Variants in SOBP observed in about 807,000 individuals in gnomAD.
The protein encoded by SOBP is sine oculis binding protein homolog.
A neutral mutation model predicts 53.6 loss-of-function variants in SOBP; 4 were observed. The observed-to-expected ratio is 0.07, with a 90% CI of 0.04 to 0.17. SOBP has a LOEUF of 0.17. Ranked by LOEUF, SOBP falls within the 10% of genes least tolerant of loss-of-function variation. The probability of loss-of-function intolerance (pLI) is 1.00; values close to 1 mark genes in which losing one functional copy is unlikely to be tolerated. For missense variants in SOBP, 1,088 were observed against 1,204.7 expected, an observed-to-expected ratio of 0.90 and a Z score of 1.43; for synonymous variants, 584 against 522.6, an observed-to-expected ratio of 1.12 and a Z score of -1.60.
chr6:107,506,507 T>C, intron 3 of SOBP, 80 bp downstream of exon 3: 2 of 1,520,274 alleles, frequency 1.3e-6, no homozygotes, highest in Non-Finnish European at 1.8e-6. Context: ...TATTAAATGC[T>C]CAAGTTAACT....
chr6:107,627,717 A>G (rs1336905272), intron 5 of SOBP, among the ~76,000 whole-genome samples: 1 of 152,212 alleles, frequency 6.6e-6, no homozygotes, highest in Non-Finnish European at 1.5e-5. Context: ...AACCTGCAGA[A>G]AGTTTCTTGT....
intron 6 of SOBP, among the ~76,000 whole-genome samples, chr6:107,656,489 T>G (rs1772072711): frequency 6.6e-6 from 1 of 152,232 alleles, no homozygotes; most frequent in Non-Finnish European, 1.5e-5. Flanking sequence ...TTGTGGTGTT[T>G]TGCATTTTCA....
At chr6:107,556,079 G>T (rs1784601508) in intron 4 of SOBP, among the ~76,000 whole-genome samples, 1 of 152,212 alleles carries the variant, frequency 6.6e-6, no homozygotes, top group Non-Finnish European at 1.5e-5. Context: ...ACATGCCAGA[G>T]GGTGCTCTGT....
At chr6:107,606,960 C>T (rs1291361469) in intron 5 of SOBP, among the ~76,000 whole-genome samples, 1 of 152,180 alleles carries the variant, frequency 6.6e-6, no homozygotes, top group Non-Finnish European at 1.5e-5. Context: ...GACTCCTTGG[C>T]CTTGGGTTTC....
At chr6:107,504,557 G>C (rs188884296) in intron 2 of SOBP, among the ~76,000 whole-genome samples, 16 of 152,310 alleles carry the variant, frequency 1.1e-4, no homozygotes, top group African/African-American at 3.8e-4. Flanking sequence ...AGTATGTGAA[G>C]AAGCAGCCCA....
At chr6:107,600,980 G>A (rs369201315) in intron 5 of SOBP, among the ~76,000 whole-genome samples, 188 of 152,248 alleles carry the variant, frequency 1.2e-3, no homozygotes, top group South Asian at 2.5e-3. Context: ...TATATAATGT[G>A]TATAAAATAA....
At chr6:107,549,342 C>T (rs9373951) in intron 4 of SOBP, among the ~76,000 whole-genome samples, 6,268 of 151,872 alleles carry the variant, frequency 0.041, 241 homozygotes, top group East Asian at 0.17. Context: ...AGGCATACTC[C>T]CAAGCCCTAT....
intron 5 of SOBP, among the ~76,000 whole-genome samples, chr6:107,611,573 TAGG>T (rs778191665): frequency 6.6e-6 from 1 of 152,136 alleles, no homozygotes; most frequent in East Asian, 1.9e-4. Flanking sequence ...CTCAGCCCAG[TAGG>T]AGGACCGGCT....
At chr6:107,508,022 C>T (rs1044866310) in intron 3 of SOBP, among the ~76,000 whole-genome samples, 5 of 152,008 alleles carry the variant, frequency 3.3e-5, no homozygotes, top group Admixed American at 2.6e-4. Flanking sequence ...TTAATTGTAA[C>T]GCTGGTTATT....
rs541688197 is a variant in SOBP at position 107,635,075 on chromosome 6, A to AGCCGCCGCCGCC, written c.2241_2252dup (p.Pro748_Pro751dup). On this transcript the variant is annotated inframe_insertion, in exon 6 of 7. Coordinates refer to ENST00000317357, the MANE Select transcript of SOBP (RefSeq NM_018013.4). The surrounding 1 kb of genome is among the most constrained non-coding windows in gnomAD (Gnocchi z 4.5). ...AAGAGCGCGGAGCCGCCTCCCGAGC[A>AGCCGCCGCCGCC]GCCGCCGCCGCCGCCGCCGCCCGCG... The AGCCGCCGCCGCC allele has an allele frequency of 2.6e-6, 4 of 1,564,878 alleles. No homozygotes were observed. The highest frequency in any genetic ancestry group is 4.8e-5 in the East Asian group (2 of 41,804).
At chr6:107,637,227 A>G (rs1233245965) in intron 6 of SOBP, among the ~76,000 whole-genome samples, 1 of 152,184 alleles carries the variant, frequency 6.6e-6, no homozygotes, top group Non-Finnish European at 1.5e-5. Flanking sequence ...GGGAAATACA[A>G]ACGTGGAGCA....
chr6:107,646,915 C>G (rs1771583904), intron 6 of SOBP, among the ~76,000 whole-genome samples: 1 of 152,168 alleles, frequency 6.6e-6, no homozygotes, highest in African/African-American at 2.4e-5. Flanking sequence ...GAGCCTCAGT[C>G]TCTATGTCAT....
At chr6:107,654,001 A>C (rs1020358141) in intron 6 of SOBP, among the ~76,000 whole-genome samples, 1 of 152,218 alleles carries the variant, frequency 6.6e-6, no homozygotes, top group African/African-American at 2.4e-5. Flanking sequence ...AAGGTGGATG[A>C]GTATCTAGAT....
chr6:107,644,785 A>C (rs1771485039), intron 6 of SOBP, among the ~76,000 whole-genome samples: 2 of 152,234 alleles, frequency 1.3e-5, no homozygotes, highest in South Asian at 4.1e-4. Context: ...TAAAATACAC[A>C]TGGGTTTGAA....
At chr6:107,641,040 G>C in intron 6 of SOBP, among the ~76,000 whole-genome samples, 1 of 152,244 alleles carries the variant, frequency 6.6e-6, no homozygotes, top group South Asian at 2.1e-4. Flanking sequence ...TTTCATGGGA[G>C]AAGACGTCCA....
At position 107,612,462 on chromosome 6, in the gene SOBP, T is replaced by C. The variant is rs1267007646; in HGVS notation, c.670-21052T>C. 3.3e-5 allele frequency among the ~76,000 whole-genome samples: 5 copies of C among 152,280 alleles called. No individual in the cohort carries two copies. The East Asian group carries it at 7.7e-4, about 23-fold the overall frequency. Reference sequence around the variant, plus strand: ...CTCTTTGTAGACTTAGAGCAGCAGTTTCAAAATTCAGTTCCAGCAGCATCA... The same window carrying C: ...CTCTTTGTAGACTTAGAGCAGCAGTCTCAAAATTCAGTTCCAGCAGCATCA... On this transcript the variant is annotated intron_variant, in intron 5 of 6. Coordinates refer to ENST00000317357, the MANE Select transcript of SOBP (RefSeq NM_018013.4).
At chr6:107,646,467 G>GT (rs1356718346) in intron 6 of SOBP, among the ~76,000 whole-genome samples, 2 of 152,244 alleles carry the variant, frequency 1.3e-5, no homozygotes, top group Non-Finnish European at 2.9e-5. Context: ...GTGGGCTGCT[G>GT]TTTCATGCAT....
Position 107,633,752 on chromosome 6 carries a change from C to T in SOBP, c.908C>T (p.Pro303Leu). The T allele has an allele frequency of 1.2e-6, 2 of 1,614,224 alleles. No individual in the cohort carries two copies. Among genetic ancestry groups the T allele is most frequent in the Non-Finnish European group, 1.7e-6 (2 of 1,180,040 alleles). Residue 303 changes from proline (P) to leucine (L), a missense_variant, in exon 6 of 7, where the codon CCG (proline) becomes CTG (leucine). Physicochemically the swap from Pro to Leu is moderately conservative, Grantham distance 98. Transcript: ENST00000317357. Reference protein sequence around the residue: ...QLLTPDSWNIPLTDARRKAPS... With the variant: ...QLLTPDSWNILLTDARRKAPS... Reference sequence around the variant, plus strand: ...CTCACTCCAGACTCTTGGAATATCCCGCTAACAGATGCTCGGAGGAAGGCC... The same window carrying T: ...CTCACTCCAGACTCTTGGAATATCCTGCTAACAGATGCTCGGAGGAAGGCC...
intron 1 of SOBP, among the ~76,000 whole-genome samples, chr6:107,499,380 G>A (rs897939801): frequency 2.0e-5 from 3 of 152,178 alleles, no homozygotes; most frequent in Non-Finnish European, 4.4e-5. Flanking sequence ...AAAGGATCAG[G>A]AGAATTAAAA....
Sources: allele counts gnomAD v4.1 joint callset (sites outside exome capture counted in the v4.1 genomes callset), GRCh38; gene constraint gnomAD v4.1.1; non-coding constraint Gnocchi (gnomAD v3.1); transcripts MANE v1.5; gene names NCBI Gene and HGNC (gene_info 2026-07-23, HGNC 2026-07-21).